The following DIXDC1 variants were observed in gnomAD, a reference collection of about 807,000 sequenced individuals.
The protein encoded by DIXDC1 is DIX domain containing 1.
DIXDC1 carries 64 observed loss-of-function variants against 103.1 expected under a neutral mutation model. The ratio of observed to expected loss-of-function variants is 0.62; its 90% confidence interval spans 0.51 to 0.76. The LOEUF (loss-of-function observed/expected upper bound fraction) is 0.76. Ranked by LOEUF, DIXDC1 falls within the 30% of genes least tolerant of loss-of-function variation. DIXDC1 has a pLI of 0.00. For synonymous variants in DIXDC1, 266 were observed against 298.5 expected (o/e 0.89, Z 1.12); for missense variants, 759 against 834.2 (o/e 0.91, Z 1.11).
intron 17 of DIXDC1, among the ~76,000 whole-genome samples, chr11:112,005,129 A>G (rs987634005): frequency 6.6e-6 from 1 of 152,244 alleles, no homozygotes. Context: ...TGTTGATAAC[A>G]TGCACATACA....
At chr11:111,946,333 C>T (rs1450054021) in intron 1 of DIXDC1, among the ~76,000 whole-genome samples, 1 of 152,192 alleles carries the variant, frequency 6.6e-6, no homozygotes, top group African/African-American at 2.4e-5. Context: ...TGGTCTCGAT[C>T]TCCTGACCTC....
intron 17 of DIXDC1, among the ~76,000 whole-genome samples, chr11:111,999,219 C>A (rs1860992197): frequency 6.6e-6 from 1 of 152,218 alleles, no homozygotes; most frequent in Admixed American, 6.5e-5. Flanking sequence ...ATTGTACTTT[C>A]TGAACCCACT....
intron 5 of DIXDC1, among the ~76,000 whole-genome samples, chr11:111,979,504 G>T (rs144413940): frequency 3.1e-3 from 472 of 152,284 alleles, no homozygotes; most frequent in African/African-American, 0.011. Context: ...ATGTTCTCAA[G>T]GTGCAGTGCA....
chr11:111,944,380 A>G (rs1041271424), intron 1 of DIXDC1, among the ~76,000 whole-genome samples: 1 of 152,220 alleles, frequency 6.6e-6, no homozygotes, highest in East Asian at 1.9e-4. Context: ...TCCCTGGTGA[A>G]GCCCCATTGG....
intron 9 of DIXDC1, 143 bp from the exon 10 acceptor site, chr11:111,988,862 C>T (rs1182229667): frequency 9.3e-6 from 6 of 642,712 alleles, no homozygotes; most frequent in Non-Finnish European, 1.6e-5. Flanking sequence ...GCTCACTGAA[C>T]CAGAGCTGTT....
Position 111,977,373 on chromosome 11 carries a change from A to G in DIXDC1, c.656+2390A>G. 9.3e-7 allele frequency: 1 copy of G among 1,071,796 alleles called. No individual in the cohort carries two copies. The allele number at this position is 1,071,796 out of a possible 1,614,324, so 66.4% of individuals were successfully genotyped here. On this transcript the variant is annotated intron_variant, in intron 5 of 19. Coordinates refer to ENST00000440460, the MANE Select transcript of DIXDC1 (RefSeq NM_001037954.4). This position sits in a 1 kb window ranked among gnomAD's most constrained non-coding sequence, Gnocchi z 6.1. ...TCGAGGCGCAGCCTGCGCCGCCGGG[A>G]GCCTCCCTCCCAGTGGGAGATGGGT...
At chr11:111,946,513 T>G (rs1483343452) in intron 1 of DIXDC1, among the ~76,000 whole-genome samples, 1 of 152,202 alleles carries the variant, frequency 6.6e-6, no homozygotes, top group East Asian at 1.9e-4. Context: ...TGTGAGCCAC[T>G]GCACCTGGTC....
At chr11:111,996,709 G>A (rs782290781) in intron 17 of DIXDC1, among the ~76,000 whole-genome samples, 3 of 152,102 alleles carry the variant, frequency 2.0e-5, no homozygotes, top group Non-Finnish European at 2.9e-5. Context: ...AATTAGCCAG[G>A]TGTGGTGGCA....
chr11:112,004,048 A>G (rs868961153), intron 17 of DIXDC1, among the ~76,000 whole-genome samples: 56 of 134,180 alleles, frequency 4.2e-4, no homozygotes, highest in East Asian at 3.4e-3. Context: ...ATATATATAT[A>G]TGTATGTATA....
intron 2 of DIXDC1, among the ~76,000 whole-genome samples, chr11:111,931,241 AG>A (rs1333416945): frequency 6.6e-6 from 1 of 151,998 alleles, no homozygotes; most frequent in Non-Finnish European, 1.5e-5. Flanking sequence ...AGGCTGAATG[AG>A]GTGGGAGGAT....
Position 112,019,096 on chromosome 11 carries a change from G to A in DIXDC1, c.*60G>A. ...GTCACTCCCTGGCTGCTTCACTCAG[G>A]AAAGGGAACTAAAACCAGAATACAC... On this transcript the variant is annotated 3_prime_UTR_variant, in exon 20 of 20. Coordinates refer to ENST00000440460, the MANE Select transcript of DIXDC1 (RefSeq NM_001037954.4). 6.8e-7 allele frequency: 1 copy of A among 1,463,844 alleles called. No individual in the cohort carries two copies. The highest frequency in any genetic ancestry group is 9.5e-7 in the Non-Finnish European group (1 of 1,056,266). The allele number at this position is 1,463,844 out of a possible 1,614,324, so 90.7% of individuals were successfully genotyped here.
chr11:111,974,652 G>T (rs781800497), intron 4 of DIXDC1, among the ~76,000 whole-genome samples: 1 of 152,140 alleles, frequency 6.6e-6, no homozygotes, highest in Non-Finnish European at 1.5e-5. Flanking sequence ...TTTGTGGGTT[G>T]TGTATCTGCT....
intron 1 of DIXDC1, among the ~76,000 whole-genome samples, chr11:111,962,671 A>G (rs57670105): frequency 6.6e-6 from 1 of 152,136 alleles, no homozygotes; most frequent in Non-Finnish European, 1.5e-5. Flanking sequence ...ATCTTTGAGG[A>G]TAATTGGAGA....
At chr11:112,018,833 G>A (rs879946941) in intron 19 of DIXDC1, 123 bp from the exon 20 acceptor site, 34 of 713,886 alleles carry the variant, frequency 4.8e-5, no homozygotes, top group Non-Finnish European at 7.3e-5. Context: ...AAGACCAAAA[G>A]GACATAGACT....
chr11:112,004,142 A>G (rs1427133920), intron 17 of DIXDC1, among the ~76,000 whole-genome samples: 1 of 151,130 alleles, frequency 6.6e-6, no homozygotes, highest in African/African-American at 2.4e-5. Flanking sequence ...GTATATATAT[A>G]TATCACATGT....
chr11:111,936,630 A>T (rs1966194023), upstream of DIXDC1, among the ~76,000 whole-genome samples: 1 of 152,188 alleles, frequency 6.6e-6, no homozygotes, highest in South Asian at 2.1e-4. Flanking sequence ...ACCATCAATA[A>T]CTAAAGTTCT....
intron 1 of DIXDC1, among the ~76,000 whole-genome samples, chr11:111,957,562 C>CT (rs1358163956): frequency 6.6e-6 from 1 of 152,224 alleles, no homozygotes; most frequent in African/African-American, 2.4e-5. Context: ...AATGTGACTT[C>CT]TGTGGTTTTC....
intron 1 of DIXDC1, chr11:111,929,796 T>C: frequency 1.4e-6 from 2 of 1,428,198 alleles, no homozygotes; most frequent in South Asian, 2.6e-5. Flanking sequence ...ATTTTGTACA[T>C]TTCTTATTCT....
chr11:111,947,539 T>G (rs1310439457), intron 1 of DIXDC1, among the ~76,000 whole-genome samples: 6 of 152,240 alleles, frequency 3.9e-5, no homozygotes, highest in Non-Finnish European at 8.8e-5. Flanking sequence ...GAGCTGGCAG[T>G]GGGCATTTAT....
Sources: allele counts gnomAD v4.1 joint callset (sites outside exome capture counted in the v4.1 genomes callset), GRCh38; gene constraint gnomAD v4.1.1; non-coding constraint Gnocchi (gnomAD v3.1); transcripts MANE v1.5; gene names NCBI Gene and HGNC (gene_info 2026-07-23, HGNC 2026-07-21).